The following CDK14 variants were observed in gnomAD, a reference collection of about 807,000 sequenced individuals.
CDK14 encodes cyclin dependent kinase 14, also known as cyclin-dependent kinase 14.
CDK14 carries 34 observed loss-of-function variants against 60.7 expected under a neutral mutation model. That is an observed-to-expected ratio of 0.56 (90% CI 0.43 to 0.75). The LOEUF is 0.75. Ranked by LOEUF, CDK14 falls within the 30% of genes least tolerant of loss-of-function variation. The probability of loss-of-function intolerance (pLI) is 0.00; values close to 1 mark genes in which losing one functional copy is unlikely to be tolerated. For missense variants in CDK14, 482 were observed against 564.1 expected (o/e 0.85, Z 1.47); for synonymous variants, 197 against 203.7 (o/e 0.97, Z 0.28).
At chr7:90,698,579 G>A (rs10232777) in intron 2 of CDK14, among the ~76,000 whole-genome samples, 85,493 of 152,044 alleles carry the variant, frequency 0.56, 24,292 homozygotes, top group East Asian at 0.77. Context: ...GATCAGATAG[G>A]ACATTTTGTT....
chr7:90,938,309 G>A (rs538619811), intron 8 of CDK14, among the ~76,000 whole-genome samples: 1 of 152,324 alleles, frequency 6.6e-6, no homozygotes, highest in African/African-American at 2.4e-5. Context: ...TTGAGAGCTT[G>A]TGGAATAAGA....
chr7:90,986,712 T>G (rs978198484), intron 10 of CDK14, among the ~76,000 whole-genome samples: 4 of 151,946 alleles, frequency 2.6e-5, no homozygotes, highest in African/African-American at 7.2e-5. Flanking sequence ...TTATATAAAT[T>G]TTTATGCAAA....
chr7:91,039,980 G>A (rs1015326544), intron 10 of CDK14, among the ~76,000 whole-genome samples: 10 of 152,078 alleles, frequency 6.6e-5, no homozygotes, highest in African/African-American at 2.2e-4. Flanking sequence ...CCAGCTACTC[G>A]AGAGGCTGAG....
intron 2 of CDK14, among the ~76,000 whole-genome samples, chr7:90,637,947 G>T (rs546193929): frequency 6.8e-6 from 1 of 146,430 alleles, no homozygotes; most frequent in African/African-American, 2.6e-5. Flanking sequence ...TCAGAGACTA[G>T]GATTGCAACC....
intron 9 of CDK14, among the ~76,000 whole-genome samples, chr7:90,983,679 C>CAAA (rs199848997): frequency 8.6e-6 from 1 of 116,896 alleles, no homozygotes; most frequent in Non-Finnish European, 1.8e-5. Context: ...GACTCCATCT[C>CAAA]AAAAAAAAAA....
intron 8 of CDK14, among the ~76,000 whole-genome samples, chr7:90,927,814 A>G (rs755672478): frequency 6.6e-6 from 1 of 152,148 alleles, no homozygotes; most frequent in Non-Finnish European, 1.5e-5. Flanking sequence ...TTGTTTTCCA[A>G]CTTGGTTCCA....
intron 11 of CDK14, among the ~76,000 whole-genome samples, chr7:91,047,226 A>C (rs990911547): frequency 6.6e-6 from 1 of 152,230 alleles, no homozygotes; most frequent in African/African-American, 2.4e-5. Flanking sequence ...CCTAAAATTT[A>C]TGTCCTAGGC....
intron 6 of CDK14, among the ~76,000 whole-genome samples, chr7:90,896,620 C>T (rs1792345943): frequency 6.6e-6 from 1 of 152,016 alleles, no homozygotes; most frequent in South Asian, 2.1e-4. Flanking sequence ...TTCAGATGGT[C>T]CTTAAGTTGT....
chr7:91,033,784 C>T (rs141630062), intron 10 of CDK14, among the ~76,000 whole-genome samples: 2 of 152,340 alleles, frequency 1.3e-5, no homozygotes, highest in East Asian at 3.9e-4. Context: ...ACGTACATTT[C>T]CACTGCTGTG....
intron 8 of CDK14, among the ~76,000 whole-genome samples, chr7:90,920,003 G>A (rs1193912872): frequency 2.0e-5 from 3 of 152,250 alleles, no homozygotes; most frequent in African/African-American, 7.2e-5. Flanking sequence ...CATGCATCCT[G>A]TGCACAGAGT....
intron 2 of CDK14, among the ~76,000 whole-genome samples, chr7:90,724,730 T>G (rs11977708): frequency 3.9e-4 from 60 of 152,218 alleles, no homozygotes; most frequent in African/African-American, 1.4e-3. Context: ...GTTTCTATTT[T>G]AAGTAATTTG....
intron 5 of CDK14, among the ~76,000 whole-genome samples, chr7:90,822,204 A>T (rs1789575778): frequency 6.6e-6 from 1 of 152,218 alleles, no homozygotes; most frequent in Admixed American, 6.5e-5. Flanking sequence ...TGAATCAATG[A>T]CTGCTTTACT....
chr7:90,691,315 T>A (rs77347903), intron 2 of CDK14, among the ~76,000 whole-genome samples: 1 of 149,596 alleles, frequency 6.7e-6, no homozygotes, highest in African/African-American at 2.5e-5. Context: ...GGAAAAAAAA[T>A]AAAGAGAAGG....
At chr7:90,785,935 G>A (rs891829558) in intron 4 of CDK14, among the ~76,000 whole-genome samples, 4 of 152,162 alleles carry the variant, frequency 2.6e-5, no homozygotes, top group African/African-American at 9.7e-5. Flanking sequence ...CTTAGAAACA[G>A]TTTGAAAGTT....
chr7:91,100,404 C>T (rs1371964553), intron 12 of CDK14, among the ~76,000 whole-genome samples: 1 of 152,180 alleles, frequency 6.6e-6, no homozygotes, highest in Non-Finnish European at 1.5e-5. Context: ...TTACCTTATT[C>T]TGTCCTGTAG....
intron 14 of CDK14, among the ~76,000 whole-genome samples, chr7:91,159,370 A>C (rs1348837979): frequency 6.6e-6 from 1 of 152,216 alleles, no homozygotes; most frequent in Non-Finnish European, 1.5e-5. Flanking sequence ...CTTATTTTCT[A>C]AGATAACACT....
At position 91,061,387 on chromosome 7, in the gene CDK14, T is replaced by C. The variant is rs538447192; in HGVS notation, c.1105+15427T>C. On this transcript the variant is annotated intron_variant, in intron 11 of 14. Transcript: ENST00000380050. ...AGAGTAGTTTGATCGTCTGAAGCCT[T>C]CTTCTCTCAATTCGTCAAAGTCATT... Among the ~76,000 whole-genome samples, 5 of 152,330 alleles carry C rather than the reference T, an allele frequency of 3.3e-5. No homozygotes were observed. The South Asian group carries it at 8.3e-4, about 25-fold the overall frequency.
intron 5 of CDK14, among the ~76,000 whole-genome samples, chr7:90,835,563 A>G (rs1040995656): frequency 3.3e-5 from 5 of 152,190 alleles, no homozygotes; most frequent in South Asian, 2.1e-4. Context: ...GTTGTTGACA[A>G]TGAAGTGCTA....
At chr7:90,659,898 T>C (rs1035395952) in intron 2 of CDK14, among the ~76,000 whole-genome samples, 1 of 150,700 alleles carries the variant, frequency 6.6e-6, no homozygotes, top group Non-Finnish European at 1.5e-5. Flanking sequence ...TGTGTGTGTG[T>C]GTGCACGCAC....
Sources: gnomAD v4.1 joint callset for allele counts (sites outside exome capture counted in the v4.1 genomes callset) on GRCh38, gnomAD v4.1.1 for gene constraint, MANE v1.5 for transcripts, NCBI Gene and HGNC (gene_info 2026-07-23, HGNC 2026-07-21) for gene names.